Variants in CCDC88C observed in about 807,000 individuals in gnomAD.
The protein encoded by CCDC88C is coiled-coil and HOOK domain protein 88C.
A neutral mutation model predicts 198.8 loss-of-function variants in CCDC88C; 131 were observed. The ratio of observed to expected loss-of-function variants is 0.66; its 90% CI spans 0.57 to 0.76. CCDC88C has a LOEUF of 0.76. CCDC88C is among the 30% of genes least tolerant of loss of function. The pLI, the probability that CCDC88C is intolerant of heterozygous loss-of-function variation, is 0.00. For missense variants in CCDC88C, 2,553 were observed against 2,631.6 expected, an observed-to-expected ratio of 0.97 and a Z score of 0.65; for synonymous variants, 1,166 against 1,114.7, an observed-to-expected ratio of 1.05 and a Z score of -0.92.
intron 3 of CCDC88C, among the ~76,000 whole-genome samples, chr14:91,402,149 A>G (rs956470000): frequency 6.6e-6 from 1 of 152,132 alleles, no homozygotes. Context: ...GGTGGCGCAC[A>G]CCTGTGATCC....
intron 18 of CCDC88C, 40 bp downstream of exon 18, chr14:91,306,998 C>G (rs1420391268): frequency 6.4e-7 from 1 of 1,550,396 alleles, no homozygotes; most frequent in Non-Finnish European, 8.7e-7. Context: ...GTCTCTCTCT[C>G]TCTGTCCCCG....
At chr14:91,366,625 T>C (rs1894555627) in intron 3 of CCDC88C, among the ~76,000 whole-genome samples, 1 of 152,262 alleles carries the variant, frequency 6.6e-6, no homozygotes, top group Non-Finnish European at 1.5e-5. Flanking sequence ...TAGATTGCCA[T>C]TTTAAATAAT....
At chr14:91,312,665 A>T (rs1422563857) in intron 15 of CCDC88C, among the ~76,000 whole-genome samples, 1 of 152,270 alleles carries the variant, frequency 6.6e-6, no homozygotes, top group Non-Finnish European at 1.5e-5. Context: ...AGCCTGGACG[A>T]CAGTGAGACT....
chr14:91,373,730 A>G (rs1351115756), intron 3 of CCDC88C, among the ~76,000 whole-genome samples: 2 of 152,192 alleles, frequency 1.3e-5, no homozygotes, highest in Non-Finnish European at 1.5e-5. Flanking sequence ...ACAAGTTTCT[A>G]ATGACTAATA....
intron 3 of CCDC88C, among the ~76,000 whole-genome samples, chr14:91,367,707 T>C (rs146858587): frequency 6.6e-6 from 1 of 152,218 alleles, no homozygotes; most frequent in East Asian, 1.9e-4. Flanking sequence ...TAGAGAATGC[T>C]TAGGAGTCTG....
At chr14:91,416,877 AC>A (rs574879048) in intron 1 of CCDC88C, 39 bp from the exon 2 acceptor site, 2 of 1,451,806 alleles carry the variant, frequency 1.4e-6, no homozygotes, top group Non-Finnish European at 9.6e-7. Flanking sequence ...ACAGGAAGTC[AC>A]CCCGTGCGCA....
intron 13 of CCDC88C, among the ~76,000 whole-genome samples, chr14:91,319,197 AG>A (rs1892242944): frequency 6.6e-6 from 1 of 152,190 alleles, no homozygotes; most frequent in African/African-American, 2.4e-5. Flanking sequence ...GGTGGATGAG[AG>A]GTCCTCTGAC....
chr14:91,291,324 A>G (rs199802970), intron 23 of CCDC88C, among the ~76,000 whole-genome samples: 1 of 152,176 alleles, frequency 6.6e-6, no homozygotes, highest in Non-Finnish European at 1.5e-5. Context: ...CCCAGCTGTG[A>G]GCGAGCTCAA....
At chr14:91,295,137 G>A (rs912043332) in intron 22 of CCDC88C, among the ~76,000 whole-genome samples, 1 of 152,290 alleles carries the variant, frequency 6.6e-6, no homozygotes, top group South Asian at 2.1e-4. Flanking sequence ...GGAAACATAG[G>A]CTGTCCCCTC....
chr14:91,326,795 C>G (rs1892602808), intron 10 of CCDC88C, among the ~76,000 whole-genome samples: 1 of 152,180 alleles, frequency 6.6e-6, no homozygotes, highest in Non-Finnish European at 1.5e-5. Flanking sequence ...AACTTTCATT[C>G]AATACACTGC....
At position 91,297,438 on chromosome 14, in the gene CCDC88C, T is replaced by A; in HGVS notation, c.3833A>T (p.His1278Leu). Residue 1278 changes from histidine (H) to leucine (L), a missense_variant, in exon 22 of 30, where the codon CAC (histidine) becomes CTC (leucine). Transcript: ENST00000389857. ...LKGEYEELHA[H>L]TKELKTSLNN... ...CAGTGAGGTTTTCAGCTCCTTGGTG[T>A]GGGCGTGCAGCTCCTCGTACTCCCC... is the stretch of plus-strand genomic sequence containing the variant. 1 of 1,596,904 alleles carries A rather than the reference T, an allele frequency of 6.3e-7. No individual in the cohort carries two copies.
intron 4 of CCDC88C, among the ~76,000 whole-genome samples, chr14:91,355,655 T>C (rs1894012873): frequency 6.6e-6 from 1 of 152,202 alleles, no homozygotes; most frequent in Admixed American, 6.5e-5. Flanking sequence ...ATTTTCAGTA[T>C]ACGAAGTACT....
intron 3 of CCDC88C, among the ~76,000 whole-genome samples, chr14:91,406,315 C>T (rs1886479672): frequency 6.6e-6 from 1 of 152,204 alleles, no homozygotes; most frequent in South Asian, 2.1e-4. Flanking sequence ...GCCTCACTGC[C>T]CCATGCTACT....
chr14:91,402,501 C>CTG (rs148212623), intron 3 of CCDC88C, among the ~76,000 whole-genome samples: 1 of 151,854 alleles, frequency 6.6e-6, no homozygotes, highest in Non-Finnish European at 1.5e-5. Context: ...TCACACAAAG[C>CTG]TGTGTGTGTG....
At position 91,289,154 on chromosome 14, in the gene CCDC88C, G is replaced by C; in HGVS notation, c.4392C>G (p.Gly1464=). 2 of 1,613,682 alleles carry C rather than the reference G, an allele frequency of 1.2e-6. No homozygotes were observed. The highest frequency in any genetic ancestry group is 8.5e-7 in the Non-Finnish European group (1 of 1,179,862). ...QAENPDTPAL[G]SNCAEERDAH... is the part of the protein sequence containing the mutation. ...CGTCGCGCTCTTCTGCACAGTTGGA[G>C]CCCAGTGCGGGGGTGTCGGGGTTCT... The change falls in exon 25 of 30, where the codon GGC becomes GGG. Residue 1464 remains glycine, a synonymous_variant. Transcript: ENST00000389857.
At chr14:91,281,605 C>G in intron 26 of CCDC88C, 80 bp from the exon 27 acceptor site, 1 of 1,260,050 alleles carries the variant, frequency 7.9e-7, no homozygotes, top group South Asian at 1.2e-5. Flanking sequence ...TCGCCTGGCA[C>G]CCGGATCCCA....
intron 3 of CCDC88C, among the ~76,000 whole-genome samples, chr14:91,374,144 G>A (rs1479457102): frequency 2.0e-5 from 3 of 152,202 alleles, no homozygotes; most frequent in Non-Finnish European, 4.4e-5. Context: ...GCTCTGGTGA[G>A]AACAGAGGCT....
intron 13 of CCDC88C, among the ~76,000 whole-genome samples, chr14:91,320,415 A>G (rs1006970504): frequency 7.2e-5 from 11 of 152,276 alleles, no homozygotes; most frequent in South Asian, 6.2e-4. Flanking sequence ...CGCAGAGGAC[A>G]GGGTAGCGTG....
chr14:91,354,471 G>A (rs779301163), intron 4 of CCDC88C, among the ~76,000 whole-genome samples: 6 of 152,180 alleles, frequency 3.9e-5, no homozygotes, highest in South Asian at 2.1e-4. Flanking sequence ...CAGTAACCGC[G>A]AAAGATATTT....
Sources: gnomAD v4.1 joint callset for allele counts (sites outside exome capture counted in the v4.1 genomes callset) on GRCh38, gnomAD v4.1.1 for gene constraint, MANE v1.5 for transcripts, NCBI Gene and HGNC (gene_info 2026-07-23, HGNC 2026-07-21) for gene names.